Variants in TNNT1 observed in about 807,000 individuals in gnomAD.
The protein encoded by TNNT1 is troponin T, slow skeletal muscle.
TNNT1 carries 53 observed loss-of-function variants against 50.6 expected under a neutral mutation model. That is an observed-to-expected ratio of 1.05 (90% confidence interval 0.84 to 1.32). The LOEUF (loss-of-function observed/expected upper bound fraction) is 1.32, where lower values mean the gene tolerates loss of function less well. Among genes scored for constraint, TNNT1 ranks in the 40% most tolerant of loss-of-function variants. The pLI is 0.00. For missense variants in TNNT1, 348 were observed against 381.7 expected (o/e 0.91, Z 0.74); for synonymous variants, 142 against 138.0 (o/e 1.03, Z -0.20).
At chr19:55,147,542 C>T (rs1158273074) in intron 1 of TNNT1, among the ~76,000 whole-genome samples, 1 of 55,794 alleles carries the variant, frequency 1.8e-5, no homozygotes, top group Non-Finnish European at 3.3e-5. Context: ...ACTCCTGGAT[C>T]TGAGGGAGGA....
intron 10 of TNNT1, 124 bp downstream of exon 10, chr19:55,137,837 A>C: frequency 8.1e-7 from 1 of 1,230,860 alleles, no homozygotes; most frequent in Non-Finnish European, 1.2e-6. Flanking sequence ...TTCAGGGCCC[A>C]GCCCCTCCTC....
rs367873253 is a variant in TNNT1, at chr19:55,140,182, G to A, written c.387+701C>T. ...AAGAAGAAAATGGAGAATCCAGGCC[G>A]GGCACGATGGCTCATGCCTGTCATC... is the stretch of plus-strand genomic sequence containing the variant. On this transcript the variant is annotated intron_variant, in intron 9 of 13. Transcript: ENST00000588981. Among the ~76,000 whole-genome samples the A allele has an allele frequency of 2.7e-4, 41 of 149,894 alleles. No homozygotes were observed. In the East Asian group the frequency reaches 6.7e-3, roughly 24 times the overall value.
At chr19:55,148,695 A>G (rs1042469823) in intron 1 of TNNT1, among the ~76,000 whole-genome samples, 2 of 151,876 alleles carry the variant, frequency 1.3e-5, no homozygotes, top group Admixed American at 1.3e-4. Context: ...ACCCCAGATA[A>G]TGGCACTCTA....
intron 10 of TNNT1, 34 bp from the exon 11 acceptor site, chr19:55,137,246 G>T: frequency 2.7e-6 from 4 of 1,480,464 alleles, no homozygotes; most frequent in Non-Finnish European, 3.8e-6. Context: ...GTAAACTGGG[G>T]GCCACATCCC....
chr19:55,144,039 C>G (rs1332210352), intron 6 of TNNT1, among the ~76,000 whole-genome samples: 1 of 151,666 alleles, frequency 6.6e-6, no homozygotes, highest in East Asian at 1.9e-4. Context: ...CTTGGAATCC[C>G]TCTCAGTCCA....
chr19:55,135,381 C>T (rs1408634566), intron 11 of TNNT1: 10 of 179,704 alleles, frequency 5.6e-5, no homozygotes, highest in South Asian at 9.6e-5. Context: ...CCTACCTTTC[C>T]TTCCTTCCTT....
chr19:55,136,275 T>TG (rs2147242743), intron 11 of TNNT1, among the ~76,000 whole-genome samples: 1 of 152,170 alleles, frequency 6.6e-6, no homozygotes, highest in African/African-American at 2.4e-5. Context: ...TTTTTAAGGA[T>TG]GGGGTCTCAC....
chr19:55,145,524 C>A lies in TNNT1; in HGVS notation c.128+20G>T, dbSNP rs756407219. ...TTAGGAAGATGTATGACTGGGGCCCCCCACCCTGTAGGATCTCACCTTGGT... is the reference window on the plus strand; with the variant it reads ...TTAGGAAGATGTATGACTGGGGCCCACCACCCTGTAGGATCTCACCTTGGT... On this transcript the variant is annotated intron_variant, in intron 6 of 13. Transcript: ENST00000588981. 11 of 1,613,400 alleles carry A rather than the reference C, an allele frequency of 6.8e-6. No individual in the cohort carries two copies. The East Asian group carries it at 8.9e-5, about 13-fold the overall frequency.
intron 12 of TNNT1, 69 bp downstream of exon 12, chr19:55,133,997 G>A: frequency 6.2e-7 from 1 of 1,612,612 alleles, no homozygotes; most frequent in Non-Finnish European, 8.5e-7. Context: ...ACCCCTGCCT[G>A]GAGTTTGCTG....
At position 55,146,421 on chromosome 19, in the gene TNNT1, C is replaced by T. The variant is rs1388691686; in HGVS notation, c.106+13G>A. Reference sequence around the variant, plus strand: ...CCGACATCGGTCTCGGGAAGCGAAGCAGCCGCGGTTACCTGGCTCTGCCAC... The same window carrying T: ...CCGACATCGGTCTCGGGAAGCGAAGTAGCCGCGGTTACCTGGCTCTGCCAC... On this transcript the variant is annotated intron_variant, in intron 5 of 13. Coordinates refer to ENST00000588981, the MANE Select transcript of TNNT1 (RefSeq NM_003283.6). The T allele has an allele frequency of 7.3e-7, 1 of 1,368,464 alleles. No homozygotes were observed. 84.8% of individuals were successfully genotyped at this position (1,368,464 alleles called of 1,614,324 possible).
intron 9 of TNNT1, among the ~76,000 whole-genome samples, chr19:55,140,056 G>C (rs1284559105): frequency 1.3e-5 from 2 of 151,950 alleles, no homozygotes; most frequent in Non-Finnish European, 2.9e-5. Context: ...CCAGGAGGCG[G>C]AGGTTGCAGT....
intron 11 of TNNT1, chr19:55,135,439 T>C: frequency 1.1e-5 from 3 of 271,714 alleles, no homozygotes; most frequent in South Asian, 2.8e-5. Flanking sequence ...GGGTCTCACT[T>C]TGTCACCCAG....
chr19:55,135,327 G>A (rs2085328040), intron 11 of TNNT1, among the ~76,000 whole-genome samples: 1 of 152,054 alleles, frequency 6.6e-6, no homozygotes, highest in African/African-American at 2.4e-5. Context: ...ATAGGAGTCT[G>A]GTCTCTGATT....
At chr19:55,147,561 G>A in intron 1 of TNNT1, among the ~76,000 whole-genome samples, 1 of 149,588 alleles carries the variant, frequency 6.7e-6, no homozygotes, top group South Asian at 2.1e-4. Context: ...GAGGGGCTGG[G>A]GGCCGGATTC....
At chr19:55,147,089 C>T in intron 2 of TNNT1, 37 bp downstream of exon 2, 4 of 1,613,642 alleles carry the variant, frequency 2.5e-6, no homozygotes, top group Non-Finnish European at 3.4e-6. Context: ...GCCTCTCCAC[C>T]ACTGCACGCC....
rs141999523 is a variant in TNNT1 at position 55,141,905 on chromosome 19, A to T, written c.144T>A (p.Pro48=). ...CTGGGATCTTTGGCGGGATCAAAGG[A>T]GGCACCACGGGGCGGCTGAGTGGAC... ...ERPKPSRPVV[P]PLIPPKIPEG... Residue 48 remains proline, a synonymous_variant, in exon 7 of 14, where the codon CCT becomes CCA. Transcript: ENST00000588981. The T allele has an allele frequency of 1.9e-6, 3 of 1,613,862 alleles. No individual in the cohort carries two copies. The highest frequency in any genetic ancestry group is 2.5e-6 in the Non-Finnish European group (3 of 1,179,962).
intron 11 of TNNT1, among the ~76,000 whole-genome samples, chr19:55,135,701 AT>A (rs2085335484): frequency 6.6e-6 from 1 of 151,528 alleles, no homozygotes; most frequent in Non-Finnish European, 1.5e-5. Flanking sequence ...TAATTTTTGT[AT>A]TTTTAGTAGA....
intron 6 of TNNT1, chr19:55,145,316 G>A (rs1200542821): frequency 3.4e-6 from 2 of 592,246 alleles, no homozygotes; most frequent in Non-Finnish European, 6.0e-6. Context: ...AGAAGGGGAA[G>A]GAGAAGGAGA....
intron 4 of TNNT1, 92 bp from the exon 5 acceptor site, chr19:55,146,558 G>A: frequency 8.7e-7 from 1 of 1,153,446 alleles, no homozygotes. Flanking sequence ...GAAGAGACGT[G>A]AGAGGCTGTT....
Sources: gnomAD v4.1 joint callset for allele counts (sites outside exome capture counted in the v4.1 genomes callset) on GRCh38, gnomAD v4.1.1 for gene constraint, MANE v1.5 for transcripts, NCBI Gene and HGNC (gene_info 2026-07-23, HGNC 2026-07-21) for gene names.